The following STPG2 variants were observed in gnomAD, a reference collection of about 807,000 sequenced individuals.
STPG2 encodes the protein sperm-tail PG-rich repeat-containing protein 2.
A neutral mutation model predicts 54.2 loss-of-function variants in STPG2; 56 were observed. The ratio of observed to expected loss-of-function variants is 1.03; its 90% confidence interval spans 0.83 to 1.29. The LOEUF (loss-of-function observed/expected upper bound fraction) is 1.29. Ranked by LOEUF, STPG2 falls within the 50% of genes most tolerant of loss-of-function variation. STPG2 has a pLI of 0.00. For missense variants in STPG2, 596 were observed against 544.9 expected (o/e 1.09, Z -0.93); for synonymous variants, 200 against 181.8 (o/e 1.10, Z -0.81).
chr4:97,523,341 T>C (rs1731220164), intron 4 of STPG2, among the ~76,000 whole-genome samples: 1 of 151,876 alleles, frequency 6.6e-6, no homozygotes, highest in Admixed American at 6.6e-5. Context: ...AGGTCATATC[T>C]GCACATCCTA....
chr4:97,945,296 T>C (rs562195163), intron 7 of STPG2, among the ~76,000 whole-genome samples: 1 of 152,250 alleles, frequency 6.6e-6, no homozygotes, highest in Non-Finnish European at 1.5e-5. Flanking sequence ...CACTTATCAG[T>C]GAAACCATAC....
chr4:97,841,773 T>G (rs143919909), intron 8 of STPG2, among the ~76,000 whole-genome samples: 1 of 151,898 alleles, frequency 6.6e-6, no homozygotes, highest in South Asian at 2.1e-4. Context: ...AGCAAGCCAC[T>G]TACCCTCTGT....
chr4:98,084,975 T>G (rs1327805956), intron 5 of STPG2, among the ~76,000 whole-genome samples: 1 of 152,092 alleles, frequency 6.6e-6, no homozygotes, highest in African/African-American at 2.4e-5. Flanking sequence ...TTTATCAACT[T>G]TTTCCTTTTA....
At chr4:97,894,703 T>G (rs1044703340) in intron 8 of STPG2, among the ~76,000 whole-genome samples, 5 of 151,908 alleles carry the variant, frequency 3.3e-5, no homozygotes, top group African/African-American at 1.2e-4. Flanking sequence ...TTTACGTGTC[T>G]AAATTGAAAT....
chr4:97,470,635 CAAT>C (rs1384429871), intron 4 of STPG2, among the ~76,000 whole-genome samples: 2 of 151,782 alleles, frequency 1.3e-5, no homozygotes, highest in African/African-American at 2.4e-5. Context: ...AAATTAACAA[CAAT>C]AATAATAAAA....
intron 10 of STPG2, among the ~76,000 whole-genome samples, chr4:97,570,813 A>G (rs772490355): frequency 2.0e-5 from 3 of 152,138 alleles, no homozygotes; most frequent in Non-Finnish European, 4.4e-5. Context: ...GATGCTATGT[A>G]AACTGGAATC....
At chr4:97,670,479 C>G (rs530807277) in intron 10 of STPG2, among the ~76,000 whole-genome samples, 176 of 152,230 alleles carry the variant, frequency 1.2e-3, no homozygotes, top group Non-Finnish European at 1.9e-3. Flanking sequence ...TTTCTTGAAA[C>G]AGAACTTTGA....
chr4:97,443,896 A>G (rs1217830421), intron 4 of STPG2, among the ~76,000 whole-genome samples: 2 of 152,222 alleles, frequency 1.3e-5, no homozygotes, highest in African/African-American at 4.8e-5. Context: ...GGAGATATCT[A>G]TCACAGATTT....
chr4:98,141,137 G>A (rs1223868736), intron 1 of STPG2, among the ~76,000 whole-genome samples: 1 of 152,044 alleles, frequency 6.6e-6, no homozygotes, highest in Non-Finnish European at 1.5e-5. Flanking sequence ...TTATCAGATG[G>A]ATTTTATTTA....
At chr4:97,767,227 A>C (rs1340746617) in intron 9 of STPG2, among the ~76,000 whole-genome samples, 1 of 152,178 alleles carries the variant, frequency 6.6e-6, no homozygotes, top group Non-Finnish European at 1.5e-5. Flanking sequence ...CAAAATGTTG[A>C]TTAAATACCA....
At chr4:97,570,032 G>GA (rs1213489257) in intron 10 of STPG2, among the ~76,000 whole-genome samples, 1 of 151,876 alleles carries the variant, frequency 6.6e-6, no homozygotes. Context: ...GGAAATACCA[G>GA]AAAAACCCAA....
intron 3 of STPG2, among the ~76,000 whole-genome samples, chr4:98,124,150 T>G (rs1276577233): frequency 2.6e-5 from 4 of 152,178 alleles, no homozygotes; most frequent in African/African-American, 9.7e-5. Context: ...TTCTGTGTCT[T>G]TTATTGGGGC....
At chr4:97,940,667 T>A (rs147110320) in intron 8 of STPG2, among the ~76,000 whole-genome samples, 281 of 152,298 alleles carry the variant, frequency 1.8e-3, no homozygotes, top group African/African-American at 6.6e-3. Context: ...TAGGTTCTTT[T>A]TTATACCAGC....
intron 10 of STPG2, among the ~76,000 whole-genome samples, chr4:97,693,481 T>C (rs1031606817): frequency 4.0e-5 from 6 of 151,818 alleles, no homozygotes; most frequent in Admixed American, 3.3e-4. Flanking sequence ...AAAAGGAAAA[T>C]ATCACAATCC....
intron 10 of STPG2, among the ~76,000 whole-genome samples, chr4:97,586,852 TAAA>T (rs1733014273): frequency 6.6e-6 from 1 of 151,804 alleles, no homozygotes; most frequent in African/African-American, 2.4e-5. Context: ...AAGGAAATAA[TAAA>T]AGAATCTTGG....
chr4:98,132,328 T>G (rs1043019905), intron 2 of STPG2, among the ~76,000 whole-genome samples: 1 of 123,794 alleles, frequency 8.1e-6, no homozygotes, highest in African/African-American at 3.1e-5. Context: ...ATGTAAACAC[T>G]AATAAATTTT....
chr4:97,967,010 T>C (rs1042395510), intron 7 of STPG2, among the ~76,000 whole-genome samples: 6 of 152,002 alleles, frequency 3.9e-5, no homozygotes, highest in South Asian at 2.1e-4. Context: ...CACATAACCA[T>C]AGTAACCTTA....
At chr4:97,740,562 C>T (rs1044699124) in intron 9 of STPG2, among the ~76,000 whole-genome samples, 3 of 151,988 alleles carry the variant, frequency 2.0e-5, no homozygotes, top group Admixed American at 2.0e-4. Flanking sequence ...TTCTTATACA[C>T]CAATAACAGA....
chr4:97,519,737 A>G (rs1195561230), intron 4 of STPG2, among the ~76,000 whole-genome samples: 1 of 151,928 alleles, frequency 6.6e-6, no homozygotes, highest in Non-Finnish European at 1.5e-5. Context: ...CCAGGACACA[A>G]CACTGGTGGG....
Sources: allele counts gnomAD v4.1 joint callset (sites outside exome capture counted in the v4.1 genomes callset), GRCh38; gene constraint gnomAD v4.1.1; transcripts MANE v1.5; gene names NCBI Gene and HGNC (gene_info 2026-07-23, HGNC 2026-07-21).